Variants in AFG1L observed in about 807,000 individuals in gnomAD.
The protein encoded by AFG1L is AFG1 like ATPase, also known as AFG1-like ATPase.
In AFG1L, 53 loss-of-function variants were observed where a neutral mutation model predicts 62.2. The ratio of observed to expected loss-of-function variants is 0.85; its 90% CI spans 0.68 to 1.07. AFG1L has a LOEUF of 1.07. AFG1L is among the 50% of genes least tolerant of loss of function. The pLI is 0.00. For synonymous variants in AFG1L, 228 were observed against 210.3 expected (o/e 1.08, Z -0.73); for missense variants, 555 against 590.5 (o/e 0.94, Z 0.62).
chr6:108,472,307 A>C (rs1365354491), intron 8 of AFG1L, among the ~76,000 whole-genome samples: 1 of 152,182 alleles, frequency 6.6e-6, no homozygotes, highest in Non-Finnish European at 1.5e-5. Context: ...TCAAATATAC[A>C]GCATGAGGAC....
intron 7 of AFG1L, among the ~76,000 whole-genome samples, chr6:108,425,598 A>C (rs1194462415): frequency 6.6e-6 from 1 of 152,060 alleles, no homozygotes; most frequent in African/African-American, 2.4e-5. Context: ...TTTTATTGAG[A>C]GCTCTTTCCG....
intron 1 of AFG1L, among the ~76,000 whole-genome samples, chr6:108,297,530 A>G (rs1326640038): frequency 6.6e-6 from 1 of 151,416 alleles, no homozygotes; most frequent in Non-Finnish European, 1.5e-5. Flanking sequence ...TTTTACCTTC[A>G]TTTTTCATCT....
intron 7 of AFG1L, among the ~76,000 whole-genome samples, chr6:108,417,844 AT>A (rs1424729917): frequency 1.6e-4 from 25 of 152,074 alleles, no homozygotes; most frequent in African/African-American, 5.3e-4. Context: ...TTTTATTTAT[AT>A]TTTTTTGAGA....
At chr6:108,405,080 T>C (rs540552338) in intron 7 of AFG1L, among the ~76,000 whole-genome samples, 167 of 152,304 alleles carry the variant, frequency 1.1e-3, no homozygotes, top group African/African-American at 3.9e-3. Flanking sequence ...TAAATATTAT[T>C]GAGTAGCATT....
At chr6:108,377,897 C>T (rs529653806) in intron 6 of AFG1L, among the ~76,000 whole-genome samples, 1 of 151,662 alleles carries the variant, frequency 6.6e-6, no homozygotes, top group Admixed American at 6.6e-5. Context: ...GAATTATTGC[C>T]TCAAATATAT....
intron 8 of AFG1L, among the ~76,000 whole-genome samples, chr6:108,472,823 A>C (rs1431180531): frequency 8.4e-6 from 1 of 118,414 alleles, no homozygotes; most frequent in East Asian, 2.5e-4. Flanking sequence ...TTTTTTTTTG[A>C]GTCATGGTCT....
At chr6:108,460,485 T>C (rs1317399648) in intron 8 of AFG1L, among the ~76,000 whole-genome samples, 2 of 152,230 alleles carry the variant, frequency 1.3e-5, no homozygotes, top group South Asian at 2.1e-4. Flanking sequence ...AATTATGTTA[T>C]TATAGATGGA....
At chr6:108,357,077 G>GCA (rs139655918) in intron 5 of AFG1L, among the ~76,000 whole-genome samples, 26 of 151,410 alleles carry the variant, frequency 1.7e-4, no homozygotes, top group African/African-American at 3.6e-4. Context: ...ACATGCACGT[G>GCA]CACACACACA....
chr6:108,417,934 C>T (rs529958925), intron 7 of AFG1L, among the ~76,000 whole-genome samples: 88 of 152,120 alleles, frequency 5.8e-4, no homozygotes, highest in African/African-American at 1.9e-3. Flanking sequence ...CCCGGGTTCA[C>T]GCCATTCTGC....
intron 7 of AFG1L, among the ~76,000 whole-genome samples, chr6:108,441,712 A>AAATATATATAT (rs1401294615): frequency 0.013 from 1,762 of 139,346 alleles, 20 homozygotes; most frequent in South Asian, 0.046. Flanking sequence ...AAAAAAAAAA[A>AAATATATATAT]ATATATATAT....
chr6:108,413,553 T>TTA lies in AFG1L; in HGVS notation c.807+11500_807+11501dup, dbSNP rs1156618808. 2.0e-3 allele frequency among the ~76,000 whole-genome samples: 310 copies of TTA among 152,174 alleles called. 1 individual carries two copies. The highest frequency in any genetic ancestry group is 6.7e-3 in the African/African-American group (280 of 41,512). ...CTCAGCAAATGTAAAAGAACAGAAA[T>TTA]TACAACAAACTGTCTCTCAGACCAC... On this transcript the variant is annotated intron_variant, in intron 7 of 12. Transcript: ENST00000368977.
intron 7 of AFG1L, among the ~76,000 whole-genome samples, chr6:108,440,432 G>A (rs961037890): frequency 6.6e-6 from 1 of 152,070 alleles, no homozygotes; most frequent in African/African-American, 2.4e-5. Context: ...GCCTCCCAAA[G>A]TGCTGGGATT....
At chr6:108,507,996 A>AAT (rs1260682430) in intron 10 of AFG1L, among the ~76,000 whole-genome samples, 13 of 152,168 alleles carry the variant, frequency 8.5e-5, no homozygotes, top group African/African-American at 3.1e-4. Context: ...AAAATAATAA[A>AAT]AATAAAAGTA....
At chr6:108,473,778 C>T (rs1464355681) in intron 8 of AFG1L, among the ~76,000 whole-genome samples, 1 of 152,128 alleles carries the variant, frequency 6.6e-6, no homozygotes, top group Non-Finnish European at 1.5e-5. Context: ...AGGCTGGTCT[C>T]GAACTCCTGA....
At chr6:108,409,538 T>C (rs570886380) in intron 7 of AFG1L, among the ~76,000 whole-genome samples, 55 of 152,150 alleles carry the variant, frequency 3.6e-4, no homozygotes, top group African/African-American at 1.3e-3. Context: ...CCTCAGGAAA[T>C]GGGAGAATTT....
intron 8 of AFG1L, among the ~76,000 whole-genome samples, chr6:108,449,575 CT>C (rs1771967229): frequency 6.6e-6 from 1 of 151,978 alleles, no homozygotes; most frequent in South Asian, 2.1e-4. Flanking sequence ...AATTAGGTTT[CT>C]TTTTATCTTG....
chr6:108,445,633 T>TGAGAGAGAGAGAGAGAGAGA (rs59323063), intron 7 of AFG1L, among the ~76,000 whole-genome samples: 11 of 130,140 alleles, frequency 8.5e-5, no homozygotes, highest in African/African-American at 2.6e-4. Flanking sequence ...ACACCTAAGG[T>TGAGAGAGAGAGAGAGAGAGA]GAGAGAGAGA....
At chr6:108,391,287 C>T (rs1781046814) in intron 6 of AFG1L, among the ~76,000 whole-genome samples, 2 of 152,186 alleles carry the variant, frequency 1.3e-5, no homozygotes, top group Admixed American at 6.5e-5. Context: ...TCCACACCAA[C>T]ATCTATTATT....
chr6:108,513,511 C>T, intron 11 of AFG1L, among the ~76,000 whole-genome samples: 1 of 152,184 alleles, frequency 6.6e-6, no homozygotes, highest in Admixed American at 6.5e-5. Context: ...GAGCCTCGCT[C>T]ATTGCTAGCA....
Sources: allele counts gnomAD v4.1 joint callset (sites outside exome capture counted in the v4.1 genomes callset), GRCh38; gene constraint gnomAD v4.1.1; transcripts MANE v1.5; gene names NCBI Gene and HGNC (gene_info 2026-07-23, HGNC 2026-07-21).